The following CGN variants were observed in gnomAD, a reference collection of about 807,000 sequenced individuals.
CGN encodes the protein cingulin.
A neutral mutation model predicts 157.1 loss-of-function variants in CGN; 121 were observed. The ratio of observed to expected loss-of-function variants is 0.77; its 90% CI spans 0.66 to 0.90. The LOEUF is 0.90. Ranked by LOEUF, CGN falls within the 40% of genes least tolerant of loss-of-function variation. CGN has a pLI of 0.00. For missense variants in CGN, 1,424 were observed against 1,520.9 expected (o/e 0.94, Z 1.06); for synonymous variants, 535 against 607.5 (o/e 0.88, Z 1.76).
chr1:151,510,975 G>C (rs1297260599), upstream of CGN: 1 of 152,230 alleles, frequency 6.6e-6, no homozygotes, highest in Non-Finnish European at 1.5e-5. Context: ...AGAAAGTGAC[G>C]AAAGAGCATT....
At position 151,527,060 on chromosome 1, in the gene CGN, G is replaced by GC; in HGVS notation, c.1852dup (p.Arg618ProfsTer3). ...GGTCTTGCAGAGGGAATTAGAGCAG[G>GC]CCCGAGCTAGTGCTGGAGATACTCG... On this transcript the variant is annotated frameshift_variant, in exon 10 of 21. Coordinates refer to ENST00000271636, the MANE Select transcript of CGN (RefSeq NM_020770.3). LOFTEE classifies it high-confidence loss of function. 6.2e-7 allele frequency: 1 copy of GC among 1,614,204 alleles called. No homozygotes were observed. Among genetic ancestry groups the GC allele is most frequent in the Non-Finnish European group, 8.5e-7 (1 of 1,180,032 alleles).
rs749060731 is a variant in CGN, at chr1:151,524,774, A to T, written c.1502A>T (p.Lys501Met). 6.2e-7 allele frequency: 1 copy of T among 1,612,908 alleles called. No individual in the cohort carries two copies. Among genetic ancestry groups the T allele is most frequent in the Non-Finnish European group, 8.5e-7 (1 of 1,179,856 alleles). Residue 501 changes from lysine (K) to methionine (M), a missense_variant, in exon 8 of 21, where the codon AAG becomes ATG. Physicochemically the swap from Lys to Met is moderately conservative, Grantham distance 95. Transcript: ENST00000271636. This position sits in a 1 kb window ranked among gnomAD's most constrained non-coding sequence, Gnocchi z 4.4. ...RLRERELTAL[K>M]GALKEEVASR... is the part of the protein sequence containing the mutation. The stretch of plus-strand genomic sequence containing the variant: ...CGGGAGCGGGAGTTGACAGCCCTGA[A>T]GGGGGCCCTGAAAGAGGAGGTAGCC...
intron 16 of CGN, 146 bp from the exon 17 acceptor site, chr1:151,535,454 G>T: frequency 1.5e-6 from 1 of 686,484 alleles, no homozygotes; most frequent in Admixed American, 2.4e-5. Context: ...CCTCCCATTT[G>T]AATAGGCTGT....
chr1:151,529,087 T>C (rs1277721802), intron 10 of CGN, among the ~76,000 whole-genome samples: 1 of 152,218 alleles, frequency 6.6e-6, no homozygotes, highest in Admixed American at 6.5e-5. Flanking sequence ...TGGGCTATAA[T>C]GAATAATGCT....
rs1665013415 is a variant in CGN, at chr1:151,538,151, G to C, written c.*805G>C. The C allele has an allele frequency of 1.3e-5, 2 of 152,718 alleles. No homozygotes were observed. Among genetic ancestry groups the C allele is most frequent in the African/African-American group, 4.8e-5 (2 of 41,400 alleles). 9.5% of individuals were successfully genotyped at this position (152,718 alleles called of 1,614,324 possible). A position where few individuals can be genotyped will look rare whatever the true frequency, so the allele number is the denominator to read the frequency against. On this transcript the variant is annotated 3_prime_UTR_variant, in exon 21 of 21. Transcript: ENST00000271636. ...GGTAGGGTCATGATAAAGTGGCGGG[G>C]GTCTGGTCCTGCTCAGGGTTTTCAT... is the stretch of plus-strand genomic sequence containing the variant.
chr1:151,520,163 C>T lies in CGN; in HGVS notation c.874-3C>T, dbSNP rs1664508259. 1.3e-6 allele frequency: 2 copies of T among 1,564,210 alleles called. No individual in the cohort carries two copies. The highest frequency in any genetic ancestry group is 2.3e-5 in the South Asian group (2 of 86,436). ...TTTTTTTCTTTTTCTTTTTTTTTAA[C>T]AGTTCAAATCAACTCCAGACCTCCT... On this transcript the variant is annotated splice_region_variant and splice_polypyrimidine_tract_variant and intron_variant, in intron 2 of 20. Transcript: ENST00000271636.
intron 5 of CGN, 78 bp from the exon 6 acceptor site, chr1:151,523,356 A>T: frequency 7.3e-7 from 1 of 1,377,302 alleles, no homozygotes; most frequent in Non-Finnish European, 1.0e-6. Flanking sequence ...AATGAGTGTT[A>T]GACATTCCCA....
rs141884525 is a variant in CGN, at chr1:151,520,622, C to T, written c.1071C>T (p.Ala357=). The T allele has an allele frequency of 6.5e-4, 1,054 of 1,614,158 alleles. 6 individuals are homozygous for T. In the African/African-American group the frequency reaches 7.6e-3, roughly 12 times the overall value. The change falls in exon 5 of 21, where the codon GCC becomes GCT. Residue 357 remains alanine (A), a synonymous_variant. Transcript: ENST00000271636. ...TGGTTTCTTCTGGTTCTACTAAGGC[C>T]GTGGCAGGGCAGGGTGAGCTTACCC... is the stretch of plus-strand genomic sequence containing the variant. ...LVMVSSGSTK[A]VAGQGELTRK... is the part of the protein sequence containing the mutation.
intron 1 of CGN, among the ~76,000 whole-genome samples, chr1:151,513,968 C>T (rs1664355147): frequency 6.6e-6 from 1 of 152,252 alleles, no homozygotes; most frequent in South Asian, 2.1e-4. Context: ...CTCCATGTTG[C>T]CTGGCCCTTG....
intron 1 of CGN, among the ~76,000 whole-genome samples, chr1:151,513,459 A>G (rs1664345156): frequency 6.6e-6 from 1 of 152,220 alleles, no homozygotes; most frequent in Non-Finnish European, 1.5e-5. Flanking sequence ...AAAGGGTGCC[A>G]AATCATCAAG....
In CGN at chr1:151,526,697, C is replaced by T. The variant is rs1488801597; in HGVS notation, c.1764-278C>T. Among the ~76,000 whole-genome samples the T allele has an allele frequency of 2.0e-5, 3 of 152,282 alleles. No individual in the cohort carries two copies. The East Asian group carries it at 5.8e-4, about 29-fold the overall frequency. On this transcript the variant is annotated intron_variant, in intron 9 of 20. Coordinates refer to ENST00000271636, the MANE Select transcript of CGN (RefSeq NM_020770.3). ...TTATGTTGCCCAGGCTGGTCTTGAA[C>T]TCCTGGGCTCAAGTGATCCATCTGC...
At chr1:151,535,207 C>T (rs767901510) in intron 16 of CGN, 76 bp downstream of exon 16, 5 of 1,117,258 alleles carry the variant, frequency 4.5e-6, no homozygotes, top group Admixed American at 1.9e-5. Flanking sequence ...CAACTCTACC[C>T]TCCCATCTTT....
Position 151,518,507 on chromosome 1 carries a change from ACTC to A in CGN, c.-7_-5del. The A allele has an allele frequency of 1.3e-6, 2 of 1,591,380 alleles. No individual in the cohort carries two copies. Among genetic ancestry groups the A allele is most frequent in the Non-Finnish European group, 1.7e-6 (2 of 1,165,530 alleles). ...TAAACTCATTTCTTCATCTTCTAGGACTCCTCCTATTTATGGAGCAGGCACCCA... is the reference window on the plus strand; with the variant it reads ...TAAACTCATTTCTTCATCTTCTAGGACTCCTATTTATGGAGCAGGCACCCA... On this transcript the variant is annotated splice_region_variant and 5_prime_UTR_variant, in exon 2 of 21. Transcript: ENST00000271636.
At chr1:151,529,763 G>A in intron 11 of CGN, 146 bp from the exon 12 acceptor site, 1 of 834,114 alleles carries the variant, frequency 1.2e-6, no homozygotes, top group Admixed American at 2.8e-5. Context: ...AGAAGCGTCT[G>A]GCTGGTGGCA....
At chr1:151,516,303 C>T (rs1038341756) in intron 1 of CGN, among the ~76,000 whole-genome samples, 1 of 152,160 alleles carries the variant, frequency 6.6e-6, no homozygotes, top group African/African-American at 2.4e-5. Context: ...GCTCATCCTC[C>T]AGTTTGGTGC....
rs967391955 is a variant in CGN, at chr1:151,529,972, A to G, written c.2170A>G (p.Thr724Ala). The change falls in exon 12 of 21, where the codon ACG becomes GCG. Residue 724 changes from threonine (T) to alanine (A), a missense_variant. Physicochemically the swap from Thr to Ala is moderately conservative, Grantham distance 58. This residue lies in a region of CGN where 1,187 missense variants were observed against 1,217.6 expected (regional missense o/e 0.97). Transcript: ENST00000271636. ...GCAGCGGCGGGCCGCAGTGGAGACGACGCTTCGGGAGACCCAGGAGGAAAA... is the reference window on the plus strand; with the variant it reads ...GCAGCGGCGGGCCGCAGTGGAGACGGCGCTTCGGGAGACCCAGGAGGAAAA... The part of the protein sequence containing the change: ...LGQRRAAVET[T>A]LRETQEENDE... The G allele has an allele frequency of 6.2e-7, 1 of 1,614,072 alleles. No homozygotes were observed. Among genetic ancestry groups the G allele is most frequent in the Non-Finnish European group, 8.5e-7 (1 of 1,179,986 alleles).
At chr1:151,532,991 G>C (rs913087364) in intron 14 of CGN, among the ~76,000 whole-genome samples, 5 of 152,114 alleles carry the variant, frequency 3.3e-5, no homozygotes, top group Admixed American at 6.5e-5. Flanking sequence ...TGACTTGCAG[G>C]GTGGAGGAAT....
chr1:151,526,617 G>A (rs955678072), intron 9 of CGN, among the ~76,000 whole-genome samples: 1 of 151,726 alleles, frequency 6.6e-6, no homozygotes, highest in Admixed American at 6.6e-5. Context: ...GGGACTATAG[G>A]CATGCACCAC....
intron 5 of CGN, among the ~76,000 whole-genome samples, chr1:151,523,163 G>A (rs932038361): frequency 2.0e-5 from 3 of 152,152 alleles, no homozygotes; most frequent in Admixed American, 6.6e-5. Flanking sequence ...TTGTTAGAAG[G>A]AAGCCCCTAA....
Sources: allele counts gnomAD v4.1 joint callset (sites outside exome capture counted in the v4.1 genomes callset), GRCh38; gene constraint gnomAD v4.1.1; regional missense constraint gnomAD v4.1.1; non-coding constraint Gnocchi (gnomAD v3.1); transcripts MANE v1.5; gene names NCBI Gene and HGNC (gene_info 2026-07-23, HGNC 2026-07-21).